Variants in LTBP1 observed in about 807,000 individuals in gnomAD.
LTBP1 encodes the protein latent-transforming growth factor beta-binding protein 1.
Under a neutral mutation model 207.6 loss-of-function variants are expected in LTBP1, and 129 were observed. That is an observed-to-expected ratio of 0.62 (90% CI 0.54 to 0.72). LTBP1 has a LOEUF of 0.72. Ranked by LOEUF, LTBP1 falls within the 30% of genes least tolerant of loss-of-function variation. The pLI is 0.00. For synonymous variants in LTBP1, 963 were observed against 833.7 expected, an observed-to-expected ratio of 1.16 and a Z score of -2.67; for missense variants, 2,281 against 2,217.2, an observed-to-expected ratio of 1.03 and a Z score of -0.58.
At chr2:33,307,011 C>A (rs2094107941) in intron 22 of LTBP1, among the ~76,000 whole-genome samples, 1 of 152,152 alleles carries the variant, frequency 6.6e-6, no homozygotes, top group Non-Finnish European at 1.5e-5. Flanking sequence ...TTGCTTGAAC[C>A]CGGGAGGCGG....
At chr2:33,162,118 G>C (rs2084521459) in intron 5 of LTBP1, among the ~76,000 whole-genome samples, 1 of 152,192 alleles carries the variant, frequency 6.6e-6, no homozygotes, top group Non-Finnish European at 1.5e-5. Flanking sequence ...AATTTGGAGG[G>C]AGACAGTTGT....
At chr2:32,997,003 G>A (rs1685389051) in intron 2 of LTBP1, among the ~76,000 whole-genome samples, 1 of 152,128 alleles carries the variant, frequency 6.6e-6, no homozygotes, top group Admixed American at 6.5e-5. Context: ...TCATGCCTCA[G>A]CCTCCCGAGT....
At chr2:33,017,300 A>G (rs1313771966) in intron 2 of LTBP1, among the ~76,000 whole-genome samples, 1 of 152,238 alleles carries the variant, frequency 6.6e-6, no homozygotes, top group African/African-American at 2.4e-5. Flanking sequence ...GTATAAAAAT[A>G]TAAGTCCTCA....
intron 3 of LTBP1, among the ~76,000 whole-genome samples, chr2:33,078,983 C>A (rs533631092): frequency 6.6e-6 from 1 of 151,434 alleles, no homozygotes; most frequent in Admixed American, 6.6e-5. Context: ...CTCAGCCTCC[C>A]GAGTAGCTGG....
chr2:32,963,743 C>G (rs879743969), intron 2 of LTBP1, among the ~76,000 whole-genome samples: 4 of 152,084 alleles, frequency 2.6e-5, no homozygotes, highest in Non-Finnish European at 5.9e-5. Flanking sequence ...CTGTGGGATG[C>G]GTAACAAATG....
intron 15 of LTBP1, among the ~76,000 whole-genome samples, chr2:33,268,263 A>G (rs1004625497): frequency 6.6e-6 from 1 of 152,232 alleles, no homozygotes; most frequent in Non-Finnish European, 1.5e-5. Flanking sequence ...GAGCAATCTC[A>G]TCAGTTCTCT....
rs779995565 is a variant in LTBP1 at position 33,188,707 on chromosome 2, C to T, written c.1557C>T (p.Ser519=). ...QKTKEAQPGQ[S]QVSYQGLPVQ... ...CAAAAGAAGCTCAACCAGGCCAATC[C>T]CAAGTCTCGTACCAAGGGCTTCCTG... The change falls in exon 7 of 34, where the codon TCC becomes TCT. Residue 519 remains serine, a synonymous_variant. Transcript: ENST00000404816. The T allele has an allele frequency of 2.2e-5, 35 of 1,614,108 alleles. No homozygotes were observed. The highest frequency in any genetic ancestry group is 2.8e-5 in the Non-Finnish European group (33 of 1,180,030).
chr2:33,328,457 A>T (rs2094456374), intron 24 of LTBP1, among the ~76,000 whole-genome samples: 1 of 152,160 alleles, frequency 6.6e-6, no homozygotes, highest in East Asian at 1.9e-4. Flanking sequence ...TAATTAATTC[A>T]CAGTTCATTG....
intron 2 of LTBP1, among the ~76,000 whole-genome samples, chr2:32,980,815 C>G (rs1302749035): frequency 3.3e-5 from 5 of 152,134 alleles, no homozygotes; most frequent in Non-Finnish European, 7.4e-5. Context: ...CTTTATTTCT[C>G]CTTCATGTTT....
At chr2:33,345,721 T>C (rs2094692994) in intron 25 of LTBP1, among the ~76,000 whole-genome samples, 1 of 152,180 alleles carries the variant, frequency 6.6e-6, no homozygotes, top group Non-Finnish European at 1.5e-5. Flanking sequence ...TTTGTCCAAT[T>C]AACTGGGTAT....
intron 3 of LTBP1, among the ~76,000 whole-genome samples, chr2:33,092,894 T>G (rs1225313177): frequency 2.6e-5 from 4 of 152,230 alleles, no homozygotes; most frequent in Non-Finnish European, 2.9e-5. Context: ...TAGTATATTT[T>G]GTTCTTTATT....
intron 2 of LTBP1, among the ~76,000 whole-genome samples, chr2:32,978,257 AT>A (rs1309436370): frequency 6.6e-6 from 1 of 152,192 alleles, no homozygotes; most frequent in Non-Finnish European, 1.5e-5. Context: ...ACTATGTTAA[AT>A]AACAGTATAA....
At chr2:32,975,389 GTTCTATGTAT>G (rs892255410) in intron 2 of LTBP1, among the ~76,000 whole-genome samples, 3 of 151,982 alleles carry the variant, frequency 2.0e-5, no homozygotes, top group African/African-American at 7.2e-5. Context: ...TCTAACAGGG[GTTCTATGTAT>G]TTCCTGAATT....
chr2:33,220,892 AAAGAAAAG>A (rs2091060018), intron 8 of LTBP1, among the ~76,000 whole-genome samples: 1 of 152,240 alleles, frequency 6.6e-6, no homozygotes, highest in African/African-American at 2.4e-5. Context: ...GAAATACAGC[AAAGAAAAG>A]AATTGAAGGA....
intron 13 of LTBP1, among the ~76,000 whole-genome samples, chr2:33,261,287 G>A (rs1573487245): frequency 6.6e-6 from 1 of 152,214 alleles, no homozygotes; most frequent in East Asian, 1.9e-4. Flanking sequence ...ACCTGATCCT[G>A]GTCTGTTCCT....
rs1268134267 is a variant in LTBP1, at chr2:33,342,969, T to A, written c.3856+6T>A. On this transcript the variant is annotated splice_donor_region_variant and intron_variant, in intron 25 of 33. Transcript: ENST00000404816. ...GGATGGGCAAGGGTGTGTGGGTGAG[T>A]TTTTAGATTTTTTCCCAACGTGTTT... 6.2e-7 allele frequency: 1 copy of A among 1,605,168 alleles called. No individual in the cohort carries two copies. Among genetic ancestry groups the A allele is most frequent in the African/African-American group, 1.3e-5 (1 of 74,402 alleles).
intron 10 of LTBP1, among the ~76,000 whole-genome samples, chr2:33,247,025 T>C (rs1268846528): frequency 6.6e-6 from 1 of 152,192 alleles, no homozygotes; most frequent in Non-Finnish European, 1.5e-5. Flanking sequence ...CTTTCTGAAC[T>C]CCTGCAGGAA....
intron 26 of LTBP1, among the ~76,000 whole-genome samples, chr2:33,359,952 C>A (rs978906364): frequency 3.3e-5 from 5 of 152,136 alleles, no homozygotes; most frequent in Non-Finnish European, 7.3e-5. Context: ...ATATGTTTTC[C>A]TCTAGGACAC....
chr2:33,293,122 T>C (rs1418674015), intron 19 of LTBP1, 38 bp from the exon 20 acceptor site: 10 of 1,594,986 alleles, frequency 6.3e-6, no homozygotes, highest in Non-Finnish European at 8.5e-6. Context: ...TTCTTTTTCT[T>C]CTTTTTTTGT....
Sources: gnomAD v4.1 joint callset for allele counts (sites outside exome capture counted in the v4.1 genomes callset) on GRCh38, gnomAD v4.1.1 for gene constraint, MANE v1.5 for transcripts, NCBI Gene and HGNC (gene_info 2026-07-23, HGNC 2026-07-21) for gene names.